Variants in HDAC9 observed in about 807,000 individuals in gnomAD.
HDAC9 encodes histone deacetylase 9, also known as MEF-2 interacting transcription repressor (MITR) protein.
A neutral mutation model predicts 139.4 loss-of-function variants in HDAC9; 41 were observed. That is an observed-to-expected ratio of 0.29 (90% confidence interval 0.23 to 0.38). HDAC9 has a LOEUF of 0.38. Ranked by LOEUF, HDAC9 falls within the 10% of genes least tolerant of loss-of-function variation. The probability of loss-of-function intolerance (pLI) is 1.00; values close to 1 mark genes in which losing one functional copy is unlikely to be tolerated. For missense variants in HDAC9, 1,147 were observed against 1,297.0 expected, an observed-to-expected ratio of 0.88 and a Z score of 1.78; for synonymous variants, 517 against 476.2, an observed-to-expected ratio of 1.09 and a Z score of -1.12.
At chr7:18,765,670 CAG>C (rs1789772362) in intron 15 of HDAC9, among the ~76,000 whole-genome samples, 1 of 152,086 alleles carries the variant, frequency 6.6e-6, no homozygotes, top group Non-Finnish European at 1.5e-5. Flanking sequence ...ATTAAGAATT[CAG>C]ACACTAAAAT....
chr7:18,458,981 T>A, intron 1 of HDAC9: 1 of 1,075,388 alleles, frequency 9.3e-7, no homozygotes, highest in Non-Finnish European at 1.4e-6. Context: ...TTTTCCAGGC[T>A]ATTGGTCAAA....
chr7:18,399,915 C>T (rs572800431), intron 1 of HDAC9, among the ~76,000 whole-genome samples: 3 of 152,146 alleles, frequency 2.0e-5, no homozygotes, highest in South Asian at 2.1e-4. Flanking sequence ...TGGGGAACAG[C>T]GAGGATGCAC....
chr7:18,651,492 T>A (rs1193873397), intron 11 of HDAC9, among the ~76,000 whole-genome samples: 1 of 152,178 alleles, frequency 6.6e-6, no homozygotes, highest in Non-Finnish European at 1.5e-5. Context: ...TGTATCAGAT[T>A]AAATATGATG....
At chr7:18,279,740 A>G (rs561124038) in intron 2 of HDAC9, among the ~76,000 whole-genome samples, 1 of 152,288 alleles carries the variant, frequency 6.6e-6, no homozygotes, top group East Asian at 1.9e-4. Context: ...CTGGGATTAC[A>G]GGGTGAGAGC....
rs191155838 is a variant in HDAC9 at position 19,002,185 on chromosome 7, G to A, written c.*6123G>A. ...ATGTGAAAAATAATAATCTAATAAA[G>A]GATTAATATCTAATAACAATACCAT... On this transcript the variant is annotated 3_prime_UTR_variant, in exon 26 of 26. Transcript: ENST00000686413. 1 of 152,066 alleles carries A rather than the reference G, an allele frequency of 6.6e-6. No homozygotes were observed. The highest frequency in any genetic ancestry group is 1.5e-5 in the Non-Finnish European group (1 of 67,934). 9.4% of individuals were successfully genotyped at this position (152,066 alleles called of 1,614,324 possible). A position where few individuals can be genotyped will look rare whatever the true frequency, so the allele number is the denominator to read the frequency against.
In HDAC9 at chr7:18,730,244, C is replaced by A. The variant is rs149191201; in HGVS notation, c.1909+2487C>A. Among the ~76,000 whole-genome samples the A allele has an allele frequency of 3.2e-4, 48 of 152,192 alleles. 3 individuals are homozygous for A. The highest frequency in any genetic ancestry group is 1.1e-3 in the Admixed American group (17 of 15,274). ...ATGCACCATCTTCACTCTGCTATTC[C>A]ACATATTGCTCTGGCTTTAATCCAA... On this transcript the variant is annotated intron_variant, in intron 13 of 25. Coordinates refer to ENST00000686413, the MANE Select transcript of HDAC9 (RefSeq NM_178425.4).
chr7:18,664,176 A>T (rs1046982792), intron 11 of HDAC9, among the ~76,000 whole-genome samples: 1 of 152,144 alleles, frequency 6.6e-6, no homozygotes, highest in African/African-American at 2.4e-5. Context: ...TAGTATTCAG[A>T]ATTGGGACAA....
intron 2 of HDAC9, among the ~76,000 whole-genome samples, chr7:18,171,164 C>T (rs918263673): frequency 3.3e-5 from 5 of 152,088 alleles, no homozygotes; most frequent in African/African-American, 1.2e-4. Context: ...TCCTCACATC[C>T]CTTGTAAGTT....
At chr7:18,835,869 T>C in intron 20 of HDAC9, 31 bp from the exon 21 acceptor site, 1 of 1,418,662 alleles carries the variant, frequency 7.0e-7, no homozygotes, top group African/African-American at 1.4e-5. Flanking sequence ...CTCTCTTCTC[T>C]GCCCACCGTG....
intron 13 of HDAC9, among the ~76,000 whole-genome samples, chr7:18,731,848 A>G (rs1786082194): frequency 6.6e-6 from 1 of 151,562 alleles, no homozygotes; most frequent in African/African-American, 2.4e-5. Context: ...CTGGTCTTGA[A>G]CTCCCAACCT....
At chr7:18,917,949 A>G (rs913456983) in intron 22 of HDAC9, among the ~76,000 whole-genome samples, 3 of 152,012 alleles carry the variant, frequency 2.0e-5, no homozygotes, top group Non-Finnish European at 2.9e-5. Context: ...GTCATTGGGT[A>G]GTTTGAGATA....
At chr7:18,310,853 CTT>C (rs1799270096) in intron 1 of HDAC9, among the ~76,000 whole-genome samples, 1 of 150,930 alleles carries the variant, frequency 6.6e-6, no homozygotes, top group African/African-American at 2.4e-5. Context: ...CACACACTCT[CTT>C]ACTAAATTGC....
rs191574391 is a variant in HDAC9, at chr7:18,849,588, A to C, written c.2684+13591A>C. Among the ~76,000 whole-genome samples, 44 of 152,340 alleles carry C rather than the reference A, an allele frequency of 2.9e-4. No individual in the cohort carries two copies. The East Asian group carries it at 8.3e-3, about 29-fold the overall frequency. On this transcript the variant is annotated intron_variant, in intron 21 of 25. Transcript: ENST00000686413. ...TGGCTTTGGTTTTTTAAAAACTCTT[A>C]CAATTAGCAACTAATGGCAGTGTGA...
intron 1 of HDAC9, among the ~76,000 whole-genome samples, chr7:18,108,298 G>C (rs532129660): frequency 6.6e-6 from 1 of 152,130 alleles, no homozygotes. Context: ...GGAGTGTGGG[G>C]CAGTACCAAC....
intron 22 of HDAC9, among the ~76,000 whole-genome samples, chr7:18,930,456 C>T (rs1804636608): frequency 6.6e-6 from 1 of 151,854 alleles, no homozygotes. Flanking sequence ...CTAACACACA[C>T]ATACACACAA....
intron 17 of HDAC9, among the ~76,000 whole-genome samples, chr7:18,817,236 G>A (rs1017689884): frequency 6.6e-6 from 1 of 151,948 alleles, no homozygotes; most frequent in Non-Finnish European, 1.5e-5. Context: ...GGGTTTCACC[G>A]TGTTAGCCAG....
At chr7:18,529,992 C>T (rs527784675) in intron 2 of HDAC9, among the ~76,000 whole-genome samples, 15 of 152,050 alleles carry the variant, frequency 9.9e-5, no homozygotes, top group Middle Eastern at 3.4e-3. Flanking sequence ...AATTACAGGT[C>T]GGGCACGGTG....
chr7:18,993,236 C>G (rs964226078), intron 25 of HDAC9, among the ~76,000 whole-genome samples: 1 of 140,830 alleles, frequency 7.1e-6, no homozygotes, highest in Admixed American at 6.8e-5. Context: ...TATAAATAAT[C>G]CAGTTATTTT....
intron 1 of HDAC9, among the ~76,000 whole-genome samples, chr7:18,395,563 C>T (rs927169113): frequency 2.0e-5 from 3 of 150,804 alleles, no homozygotes; most frequent in Non-Finnish European, 4.4e-5. Context: ...CTAGATACCT[C>T]CCCACTCTTA....
Sources: gnomAD v4.1 joint callset for allele counts (sites outside exome capture counted in the v4.1 genomes callset) on GRCh38, gnomAD v4.1.1 for gene constraint, MANE v1.5 for transcripts, NCBI Gene and HGNC (gene_info 2026-07-23, HGNC 2026-07-21) for gene names.